The following TUSC3 variants were observed in gnomAD, a reference collection of about 807,000 sequenced individuals.
The protein encoded by TUSC3 is tumor suppressor candidate 3.
A neutral mutation model predicts 44.8 loss-of-function variants in TUSC3; 45 were observed. The ratio of observed to expected loss-of-function variants is 1.00; its 90% CI spans 0.79 to 1.29. The LOEUF (loss-of-function observed/expected upper bound fraction) is 1.29, where lower values mean the gene tolerates loss of function less well. Ranked by LOEUF, TUSC3 falls within the 50% of genes most tolerant of loss-of-function variation. TUSC3 has a pLI of 0.00. For missense variants in TUSC3, 519 were observed against 437.9 expected, an observed-to-expected ratio of 1.19 and a Z score of -1.65; for synonymous variants, 212 against 152.9, an observed-to-expected ratio of 1.39 and a Z score of -2.85.
At chr8:15,603,581 CATT>C (rs1278376382) in intron 1 of TUSC3, among the ~76,000 whole-genome samples, 3 of 151,412 alleles carry the variant, frequency 2.0e-5, no homozygotes, top group African/African-American at 7.3e-5. Flanking sequence ...ATTGAAATAT[CATT>C]ATTACAATAT....
chr8:15,693,416 G>GAT (rs1488322991), intron 6 of TUSC3, among the ~76,000 whole-genome samples: 1 of 144,150 alleles, frequency 6.9e-6, no homozygotes, highest in Non-Finnish European at 1.5e-5. Context: ...AAGTTGGCTG[G>GAT]ATATAAAACT....
chr8:15,649,686 A>G (rs560629402), intron 2 of TUSC3, among the ~76,000 whole-genome samples: 78 of 151,152 alleles, frequency 5.2e-4, no homozygotes, highest in African/African-American at 1.9e-3. Context: ...ATGTTTTTCT[A>G]GCTTCTTATT....
At chr8:15,774,091 G>A in the TUSC3 span, among the ~76,000 whole-genome samples, 2 of 152,176 alleles carry the variant, frequency 1.3e-5, no homozygotes, top group South Asian at 4.2e-4. Flanking sequence ...ACTATGGAGA[G>A]CAATTACCCA....
chr8:15,646,500 C>G (rs549094413), intron 2 of TUSC3, among the ~76,000 whole-genome samples: 2 of 152,162 alleles, frequency 1.3e-5, no homozygotes, highest in East Asian at 3.9e-4. Flanking sequence ...AAATTGAATT[C>G]ATGCTCTTTG....
At chr8:15,815,262 T>G in the TUSC3 span, among the ~76,000 whole-genome samples, 1 of 152,132 alleles carries the variant, frequency 6.6e-6, no homozygotes, top group African/African-American at 2.4e-5. Context: ...TCGAAGGGAA[T>G]TCTAATGGGA....
intron 1 of TUSC3, among the ~76,000 whole-genome samples, chr8:15,421,174 C>A (rs1799733619): frequency 6.6e-6 from 1 of 152,090 alleles, no homozygotes; most frequent in Non-Finnish European, 1.5e-5. Flanking sequence ...AGTTAACTTC[C>A]TTATAGTTAA....
At chr8:15,524,656 G>C (rs28554152) in intron 2 of TUSC3, among the ~76,000 whole-genome samples, 249 of 152,192 alleles carry the variant, frequency 1.6e-3, no homozygotes, top group African/African-American at 5.8e-3. Context: ...TATTTTGCAG[G>C]TAGCTAAAGA....
chr8:15,426,000 A>C (rs922802232), intron 1 of TUSC3, among the ~76,000 whole-genome samples: 3 of 152,230 alleles, frequency 2.0e-5, no homozygotes, highest in Non-Finnish European at 2.9e-5. Flanking sequence ...TGGACAACAG[A>C]TTGAGGCTCT....
chr8:15,666,960 TG>T (rs950468093), intron 5 of TUSC3, among the ~76,000 whole-genome samples: 1 of 151,558 alleles, frequency 6.6e-6, no homozygotes, highest in Non-Finnish European at 1.5e-5. Context: ...GAGTAAGCAG[TG>T]GCCTCAAAAA....
At chr8:15,462,310 C>G (rs991106854) in intron 1 of TUSC3, among the ~76,000 whole-genome samples, 4 of 151,904 alleles carry the variant, frequency 2.6e-5, no homozygotes. Flanking sequence ...TATTACAACT[C>G]AATAATAAAG....
intron 6 of TUSC3, among the ~76,000 whole-genome samples, chr8:15,717,353 G>C (rs1810096874): frequency 6.6e-6 from 1 of 152,024 alleles, no homozygotes; most frequent in Non-Finnish European, 1.5e-5. Context: ...CCTGTATAGA[G>C]GTCAAAATGG....
chr8:15,725,505 T>A (rs1810463508), intron 6 of TUSC3, among the ~76,000 whole-genome samples: 1 of 152,160 alleles, frequency 6.6e-6, no homozygotes, highest in South Asian at 2.1e-4. Flanking sequence ...TATTACTGAA[T>A]TAACAGTGGG....
intron 2 of TUSC3, among the ~76,000 whole-genome samples, chr8:15,645,707 C>A (rs931441059): frequency 2.6e-5 from 4 of 152,064 alleles, no homozygotes; most frequent in Non-Finnish European, 5.9e-5. Flanking sequence ...AATAGGATAT[C>A]ACATGATGAT....
intron 6 of TUSC3, among the ~76,000 whole-genome samples, chr8:15,688,362 C>G (rs1354904652): frequency 1.3e-5 from 2 of 151,628 alleles, no homozygotes; most frequent in African/African-American, 4.9e-5. Flanking sequence ...TAATGCTAGT[C>G]TCTGACTTTA....
chr8:15,532,629 A>G (rs972735165), intron 2 of TUSC3, among the ~76,000 whole-genome samples: 4 of 152,292 alleles, frequency 2.6e-5, no homozygotes, highest in South Asian at 2.1e-4. Context: ...GCTTTTCACA[A>G]TTTACATGTG....
chr8:15,848,063 G>C, the TUSC3 span, among the ~76,000 whole-genome samples: 2 of 152,144 alleles, frequency 1.3e-5, no homozygotes, highest in African/African-American at 4.8e-5. Context: ...ACTATAGGAG[G>C]GTACTGGATG....
At chr8:15,753,086 T>TCA (rs1811775369) in intron 9 of TUSC3, among the ~76,000 whole-genome samples, 3 of 152,096 alleles carry the variant, frequency 2.0e-5, no homozygotes, top group Non-Finnish European at 4.4e-5. Context: ...CTGCTATAGT[T>TCA]TACATAGATG....
At chr8:15,514,767 C>T (rs1801191628) in intron 2 of TUSC3, among the ~76,000 whole-genome samples, 1 of 152,106 alleles carries the variant, frequency 6.6e-6, no homozygotes, top group Non-Finnish European at 1.5e-5. Context: ...TGCTCATGAG[C>T]CCTTTGGAAT....
intron 1 of TUSC3, among the ~76,000 whole-genome samples, chr8:15,597,742 G>A (rs1489158802): frequency 2.0e-5 from 3 of 152,020 alleles, no homozygotes; most frequent in Non-Finnish European, 1.5e-5. Context: ...CTGGAATTAA[G>A]ACATATACTT....
Sources: gnomAD v4.1 joint callset for allele counts (sites outside exome capture counted in the v4.1 genomes callset) on GRCh38, gnomAD v4.1.1 for gene constraint, MANE v1.5 for transcripts, NCBI Gene and HGNC (gene_info 2026-07-23, HGNC 2026-07-21) for gene names.